Variants in IMMP2L observed in about 807,000 individuals in gnomAD.
IMMP2L encodes the protein inner mitochondrial membrane peptidase subunit 2.
In IMMP2L, 18 loss-of-function variants were observed where a neutral mutation model predicts 19.3. The ratio of observed to expected loss-of-function variants is 0.93; its 90% confidence interval spans 0.64 to 1.38. IMMP2L has a LOEUF of 1.38. Ranked by LOEUF, IMMP2L falls within the 40% of genes most tolerant of loss-of-function variation. The pLI is 0.00. For synonymous variants in IMMP2L, 76 were observed against 73.0 expected (o/e 1.04, Z -0.21); for missense variants, 233 against 218.2 (o/e 1.07, Z -0.43).
At chr7:111,327,973 A>G (rs1039579759) in intron 3 of IMMP2L, among the ~76,000 whole-genome samples, 1 of 151,844 alleles carries the variant, frequency 6.6e-6, no homozygotes, top group South Asian at 2.1e-4. Context: ...ATAAGAATAC[A>G]TATGAGAATA....
At chr7:110,983,491 T>C (rs530969852) in intron 3 of IMMP2L, among the ~76,000 whole-genome samples, 1 of 152,172 alleles carries the variant, frequency 6.6e-6, no homozygotes, top group Non-Finnish European at 1.5e-5. Context: ...AGAAATTTAG[T>C]TGCCAGAATC....
At position 110,870,740 on chromosome 7, in the gene IMMP2L, G is replaced by T. The variant is rs1291705337; in HGVS notation, c.408+15853C>A. On this transcript the variant is annotated intron_variant, in intron 5 of 5. Transcript: ENST00000405709. The surrounding 1 kb of genome is among the most constrained non-coding windows in gnomAD (Gnocchi z 4.2). ...TTCAAAGAATGGAAAGATCAGAGAGGTGCAAGCACGGAAAGGGAAGAGATG... is the reference window on the plus strand; with the variant it reads ...TTCAAAGAATGGAAAGATCAGAGAGTTGCAAGCACGGAAAGGGAAGAGATG... Among the ~76,000 whole-genome samples the T allele has an allele frequency of 6.6e-6, 1 of 152,160 alleles. No homozygotes were observed. The highest frequency in any genetic ancestry group is 1.5e-5 in the Non-Finnish European group (1 of 68,026).
In IMMP2L at chr7:110,999,369, G is replaced by T. The variant is rs570984884; in HGVS notation, c.240-35804C>A. Among the ~76,000 whole-genome samples, 9 of 122,434 alleles carry T rather than the reference G, an allele frequency of 7.4e-5. No homozygotes were observed. In the South Asian group the frequency reaches 7.9e-4, roughly 11 times the overall value. The allele number at this position is 122,434 out of a possible 152,430, so 80.3% of individuals were successfully genotyped here. ...GATTCTGGATTGTACCTCTTTTATT[G>T]GCATCTATGCTTTATAGCTTTTCTC... is the stretch of plus-strand genomic sequence containing the variant. On this transcript the variant is annotated intron_variant, in intron 3 of 5. Transcript: ENST00000405709.
intron 3 of IMMP2L, among the ~76,000 whole-genome samples, chr7:111,177,241 G>T (rs530825745): frequency 6.6e-6 from 1 of 152,112 alleles, no homozygotes; most frequent in African/African-American, 2.4e-5. Context: ...GTGCAGTGGT[G>T]CTATCGCAGT....
intron 5 of IMMP2L, among the ~76,000 whole-genome samples, chr7:110,833,161 G>A (rs906714332): frequency 3.9e-5 from 6 of 152,078 alleles, no homozygotes; most frequent in South Asian, 4.1e-4. Context: ...TCATGAGGTC[G>A]GGCACGGTGG....
chr7:111,442,600 T>C (rs1335802792), intron 3 of IMMP2L, among the ~76,000 whole-genome samples: 1 of 151,752 alleles, frequency 6.6e-6, no homozygotes, highest in Admixed American at 6.6e-5. Context: ...TCTGTGCTAA[T>C]GAGAAGGCCG....
At chr7:111,467,055 T>C (rs1011917512) in intron 3 of IMMP2L, among the ~76,000 whole-genome samples, 1 of 152,098 alleles carries the variant, frequency 6.6e-6, no homozygotes, top group Non-Finnish European at 1.5e-5. Context: ...GGAAAGTTCA[T>C]AAGTAAAAAA....
intron 3 of IMMP2L, among the ~76,000 whole-genome samples, chr7:111,281,313 AAG>A (rs1221266598): frequency 2.0e-3 from 298 of 152,020 alleles, no homozygotes; most frequent in African/African-American, 6.2e-3. Context: ...GAAGGAAAGA[AAG>A]AAAGACAGAA....
At chr7:110,843,957 G>A (rs1304204212) in intron 5 of IMMP2L, among the ~76,000 whole-genome samples, 1 of 152,126 alleles carries the variant, frequency 6.6e-6, no homozygotes, top group Non-Finnish European at 1.5e-5. Flanking sequence ...GAAGGGGCTG[G>A]GTCCTGCAGA....
chr7:110,699,697 G>A (rs917757343), intron 5 of IMMP2L, among the ~76,000 whole-genome samples: 2 of 151,414 alleles, frequency 1.3e-5, no homozygotes, highest in Non-Finnish European at 1.5e-5. Context: ...GAACCCAGGA[G>A]GCGAAGGTTG....
intron 4 of IMMP2L, among the ~76,000 whole-genome samples, chr7:110,957,560 A>G (rs1818483361): frequency 6.6e-6 from 1 of 151,966 alleles, no homozygotes; most frequent in East Asian, 1.9e-4. Flanking sequence ...CCATCCTTCT[A>G]AAATGAATCC....
chr7:111,080,681 G>T (rs1795818670), intron 3 of IMMP2L, among the ~76,000 whole-genome samples: 1 of 152,018 alleles, frequency 6.6e-6, no homozygotes, highest in Non-Finnish European at 1.5e-5. Context: ...CCAGGCTAAG[G>T]ATCATCTTAT....
intron 3 of IMMP2L, among the ~76,000 whole-genome samples, chr7:111,337,027 A>C (rs980631072): frequency 1.3e-5 from 2 of 152,222 alleles, no homozygotes; most frequent in South Asian, 2.1e-4. Context: ...TTTAAATTTT[A>C]ATCAAGTTAA....
At chr7:111,144,788 T>A (rs1175120099) in intron 3 of IMMP2L, among the ~76,000 whole-genome samples, 1 of 152,144 alleles carries the variant, frequency 6.6e-6, no homozygotes, top group East Asian at 1.9e-4. Context: ...GTGCCAGTAC[T>A]GAGTAAACAA....
chr7:111,334,314 T>C (rs1826181550), intron 3 of IMMP2L, among the ~76,000 whole-genome samples: 2 of 152,032 alleles, frequency 1.3e-5, no homozygotes, highest in South Asian at 2.1e-4. Context: ...GAACATGTTA[T>C]ATTTGCCTTT....
chr7:111,466,609 T>C (rs1840695480), intron 3 of IMMP2L, among the ~76,000 whole-genome samples: 1 of 152,144 alleles, frequency 6.6e-6, no homozygotes, highest in Non-Finnish European at 1.5e-5. Flanking sequence ...TATCTGTGTA[T>C]TTATATAAGT....
At chr7:111,390,273 C>G (rs1832214205) in intron 3 of IMMP2L, among the ~76,000 whole-genome samples, 1 of 152,104 alleles carries the variant, frequency 6.6e-6, no homozygotes, top group African/African-American at 2.4e-5. Context: ...ACTGGCTTGT[C>G]TAGGGTTCTG....
intron 3 of IMMP2L, among the ~76,000 whole-genome samples, chr7:111,055,039 C>A (rs1234247748): frequency 4.0e-5 from 6 of 149,670 alleles, no homozygotes; most frequent in Non-Finnish European, 7.4e-5. Context: ...GGATTTGACA[C>A]GTTTCTTCCT....
chr7:110,878,717 T>A (rs1809331932), intron 5 of IMMP2L, among the ~76,000 whole-genome samples: 1 of 152,176 alleles, frequency 6.6e-6, no homozygotes, highest in East Asian at 1.9e-4. Flanking sequence ...AAATGTATTT[T>A]AAAAAACTGA....
Sources: allele counts gnomAD v4.1 joint callset (sites outside exome capture counted in the v4.1 genomes callset), GRCh38; gene constraint gnomAD v4.1.1; non-coding constraint Gnocchi (gnomAD v3.1); transcripts MANE v1.5; gene names NCBI Gene and HGNC (gene_info 2026-07-23, HGNC 2026-07-21).